Variants in NINJ2 observed in about 807,000 individuals in gnomAD.
NINJ2 encodes the protein ninjurin 2.
A neutral mutation model predicts 11.7 loss-of-function variants in NINJ2; 12 were observed. The ratio of observed to expected loss-of-function variants is 1.02; its 90% CI spans 0.66 to 1.66. The LOEUF (loss-of-function observed/expected upper bound fraction) is 1.66, where lower values mean the gene tolerates loss of function less well. NINJ2 is among the 40% of genes most tolerant of loss of function. The probability of loss-of-function intolerance (pLI) is 0.00; values close to 1 mark genes in which losing one functional copy is unlikely to be tolerated. For missense variants in NINJ2, 187 were observed against 181.8 expected, an observed-to-expected ratio of 1.03 and a Z score of -0.16; for synonymous variants, 93 against 76.8, an observed-to-expected ratio of 1.21 and a Z score of -1.10.
chr12:643,838 G>T, intron 1 of NINJ2: 1 of 221,316 alleles, frequency 4.5e-6, no homozygotes, highest in Non-Finnish European at 7.7e-6. Flanking sequence ...CATCGCTCAG[G>T]TCTTAGATGA....
Position 573,900 on chromosome 12 carries a change from G to C in NINJ2, c.34-7722C>G, listed in dbSNP as rs76940798. ...AGGGTTGAGAGAAGGAATTTTATCT[G>C]TACCTTTTGAATTTTGAAACATGTG... On this transcript the variant is annotated intron_variant, in intron 1 of 3. Coordinates refer to ENST00000305108, the MANE Select transcript of NINJ2 (RefSeq NM_016533.6). 4.3e-3 allele frequency among the ~76,000 whole-genome samples: 652 copies of C among 152,286 alleles called. 31 individuals are homozygous for C. In the East Asian group the frequency reaches 0.11, roughly 25 times the overall value.
chr12:649,558 C>A (rs1370521420), intron 1 of NINJ2, among the ~76,000 whole-genome samples: 4 of 46,668 alleles, frequency 8.6e-5, no homozygotes, highest in Non-Finnish European at 1.6e-4. Flanking sequence ...TATATAGTAG[C>A]CCATGAAATC....
intron 1 of NINJ2, chr12:630,828 TC>T (rs1248964585): frequency 6.6e-6 from 1 of 151,934 alleles, no homozygotes; most frequent in Non-Finnish European, 1.5e-5. Context: ...CTCGTGCCCC[TC>T]CCCAGCAGGC....
At chr12:634,265 C>CTT (rs67797144) in intron 1 of NINJ2, among the ~76,000 whole-genome samples, 1,076 of 59,508 alleles carry the variant, frequency 0.018, 132 homozygotes, top group African/African-American at 0.034. Context: ...AGTTGCAGTT[C>CTT]TTTTTTTTTT....
At chr12:610,488 C>G in intron 1 of NINJ2, 4 of 1,526,638 alleles carry the variant, frequency 2.6e-6, no homozygotes, top group Non-Finnish European at 3.5e-6. Flanking sequence ...GCGAGCACAG[C>G]CTTCTGCCCC....
chr12:607,300 T>G (rs892447820), intron 1 of NINJ2, among the ~76,000 whole-genome samples: 1 of 152,070 alleles, frequency 6.6e-6, no homozygotes, highest in Non-Finnish European at 1.5e-5. Context: ...GTGGCGAGCA[T>G]ATTAGGGATA....
intron 1 of NINJ2, among the ~76,000 whole-genome samples, chr12:621,578 T>C (rs1015838104): frequency 6.6e-6 from 1 of 151,948 alleles, no homozygotes; most frequent in African/African-American, 2.4e-5. Flanking sequence ...CCCAGCACTT[T>C]GGGAGGCCGA....
chr12:600,542 G>A (rs932466458), intron 1 of NINJ2, among the ~76,000 whole-genome samples: 40 of 152,194 alleles, frequency 2.6e-4, no homozygotes, highest in African/African-American at 9.4e-4. Flanking sequence ...GCAACAGAGG[G>A]AGACTCCATC....
intron 1 of NINJ2, among the ~76,000 whole-genome samples, chr12:651,669 A>C (rs535226320): frequency 6.6e-6 from 1 of 152,226 alleles, no homozygotes; most frequent in African/African-American, 2.4e-5. Context: ...TAAAACAACT[A>C]TGATGAATAT....
intron 1 of NINJ2, among the ~76,000 whole-genome samples, chr12:622,646 T>C (rs746616445): frequency 2.0e-5 from 3 of 152,118 alleles, no homozygotes; most frequent in Non-Finnish European, 4.4e-5. Flanking sequence ...TGACACCCAG[T>C]TCCCACCTTC....
chr12:610,322 T>C lies in NINJ2; in HGVS notation c.34-44144A>G, dbSNP rs745958418. The C allele has an allele frequency of 1.6e-5, 25 of 1,531,692 alleles. No individual in the cohort carries two copies. The South Asian group carries it at 2.0e-4, about 12-fold the overall frequency. The allele number at this position is 1,531,692 out of a possible 1,614,324, so 94.9% of individuals were successfully genotyped here. A position where few individuals can be genotyped will look rare whatever the true frequency, so the allele number is the denominator to read the frequency against. ...GCACCCAGTGCTGAGCTGGTGAAGA[T>C]CCCGTGGCCAGAGGCACACTTACCA... On this transcript the variant is annotated intron_variant, in intron 1 of 3. Transcript: ENST00000305108.
chr12:595,613 C>T (rs1329805207), intron 1 of NINJ2, among the ~76,000 whole-genome samples: 1 of 152,084 alleles, frequency 6.6e-6, no homozygotes, highest in Non-Finnish European at 1.5e-5. Context: ...ATTAGCCGGG[C>T]GTGTTGGTGC....
Position 580,596 on chromosome 12 carries a change from AAAAT to A in NINJ2, c.34-14422_34-14419del, listed in dbSNP as rs751382049. On this transcript the variant is annotated intron_variant, in intron 1 of 3. Coordinates refer to ENST00000305108, the MANE Select transcript of NINJ2 (RefSeq NM_016533.6). This position sits in a 1 kb window ranked among gnomAD's most constrained non-coding sequence, Gnocchi z 4.7. ...AGAGAGACCCTGTCTCAAAAAAAAA[AAAAT>A]ATATATATATATATATCCATTTGTC... Among the ~76,000 whole-genome samples the A allele has an allele frequency of 0.056, 4,352 of 77,610 alleles. 108 individuals are homozygous for A. Among genetic ancestry groups the A allele is most frequent in the Middle Eastern group, 0.14 (26 of 182 alleles). 50.9% of individuals were successfully genotyped at this position (77,610 alleles called of 152,430 possible). A position where few individuals can be genotyped will look rare whatever the true frequency, so the allele number is the denominator to read the frequency against.
chr12:613,400 G>A (rs756088270), intron 1 of NINJ2, among the ~76,000 whole-genome samples: 1 of 152,054 alleles, frequency 6.6e-6, no homozygotes, highest in Non-Finnish European at 1.5e-5. Flanking sequence ...CTGAGGTCAG[G>A]AGTTCAAGAC....
At chr12:597,480 A>C (rs1186152015) in intron 1 of NINJ2, among the ~76,000 whole-genome samples, 1 of 152,250 alleles carries the variant, frequency 6.6e-6, no homozygotes, top group Admixed American at 6.5e-5. Flanking sequence ...AGGAGAACAT[A>C]GTCTGACATG....
intron 1 of NINJ2, chr12:643,518 C>T (rs989492460): frequency 3.0e-6 from 3 of 988,036 alleles, no homozygotes; most frequent in African/African-American, 3.5e-5. Flanking sequence ...TACCTCATGT[C>T]CCCTCACTTA....
intron 1 of NINJ2, among the ~76,000 whole-genome samples, chr12:662,207 C>T (rs1343108339): frequency 1.3e-5 from 2 of 152,238 alleles, no homozygotes; most frequent in Non-Finnish European, 2.9e-5. Flanking sequence ...GAGGGACAAG[C>T]AAGCCTTGCG....
intron 1 of NINJ2, among the ~76,000 whole-genome samples, chr12:611,263 T>TTCTCTCTCTCTTTCTTTCTCTC (rs138571960): frequency 7.9e-6 from 1 of 126,370 alleles, no homozygotes; most frequent in African/African-American, 2.8e-5. Flanking sequence ...CTCTCTTTCT[T>TTCTCTCTCTCTTTCTTTCTCTC]TCTTTCTTTC....
Position 581,536 on chromosome 12 carries a change from G to A in NINJ2, c.34-15358C>T, listed in dbSNP as rs1021192912. ...CAGGTCCAGCCTGGATCCTCATACC[G>A]GGGCTCTCCTGTCCTTCCTCAGGAT... On this transcript the variant is annotated intron_variant, in intron 1 of 3. Coordinates refer to ENST00000305108, the MANE Select transcript of NINJ2 (RefSeq NM_016533.6). The surrounding 1 kb of genome is among the most constrained non-coding windows in gnomAD (Gnocchi z 4.9). 3.9e-5 allele frequency among the ~76,000 whole-genome samples: 6 copies of A among 152,114 alleles called. No homozygotes were observed. Among genetic ancestry groups the A allele is most frequent in the African/African-American group, 7.2e-5 (3 of 41,416 alleles).
Sources: allele counts gnomAD v4.1 joint callset (sites outside exome capture counted in the v4.1 genomes callset), GRCh38; gene constraint gnomAD v4.1.1; non-coding constraint Gnocchi (gnomAD v3.1); transcripts MANE v1.5; gene names NCBI Gene and HGNC (gene_info 2026-07-23, HGNC 2026-07-21).